Variants in ATP2B4 observed in about 807,000 individuals in gnomAD.
The protein encoded by ATP2B4 is ATPase plasma membrane Ca2+ transporting 4.
Under a neutral mutation model 110.3 loss-of-function variants are expected in ATP2B4, and 39 were observed. The ratio of observed to expected loss-of-function variants is 0.35; its 90% CI spans 0.27 to 0.46. The LOEUF (loss-of-function observed/expected upper bound fraction) is 0.46. Ranked by LOEUF, ATP2B4 falls within the 20% of genes least tolerant of loss-of-function variation. The pLI is 1.00. For missense variants in ATP2B4, 1,135 were observed against 1,530.9 expected, an observed-to-expected ratio of 0.74 and a Z score of 4.32; for synonymous variants, 538 against 571.7, an observed-to-expected ratio of 0.94 and a Z score of 0.84.
chr1:203,708,111 AT>A lies in ATP2B4; in HGVS notation c.1557+10del, dbSNP rs1370979380. ...TTATACCTCCAAGATTCTGGTAAGCATTTCCTTTGCGTAGACACTTAGAGTG... is the reference window on the plus strand; with the variant it reads ...TTATACCTCCAAGATTCTGGTAAGCATTCCTTTGCGTAGACACTTAGAGTG... On this transcript the variant is annotated splice_region_variant and intron_variant, in intron 10 of 20. Coordinates refer to ENST00000357681, the MANE Select transcript of ATP2B4 (RefSeq NM_001684.5). 1 of 1,614,140 alleles carries A rather than the reference AT, an allele frequency of 6.2e-7. No homozygotes were observed. The highest frequency in any genetic ancestry group is 8.5e-7 in the Non-Finnish European group (1 of 1,179,980).
intron 14 of ATP2B4, 87 bp downstream of exon 14, chr1:203,713,339 TC>T (rs1225988192): frequency 6.7e-7 from 1 of 1,484,438 alleles, no homozygotes; most frequent in Non-Finnish European, 9.4e-7. Flanking sequence ...AAAGCCACTC[TC>T]CTGTCCAAAT....
chr1:203,712,221 G>T, intron 13 of ATP2B4, 82 bp downstream of exon 13: 6 of 1,460,832 alleles, frequency 4.1e-6, no homozygotes, highest in Non-Finnish European at 5.6e-6. Flanking sequence ...GGTCATGTGC[G>T]GGAAGGTGGG....
intron 2 of ATP2B4, among the ~76,000 whole-genome samples, chr1:203,691,555 T>C (rs1471069181): frequency 6.6e-6 from 1 of 152,172 alleles, no homozygotes; most frequent in Non-Finnish European, 1.5e-5. Context: ...AAGCATGCCC[T>C]GAGGAAGCGG....
chr1:203,681,939 A>AAC (rs1665027549), intron 1 of ATP2B4, among the ~76,000 whole-genome samples: 1 of 151,064 alleles, frequency 6.6e-6, no homozygotes, highest in African/African-American at 2.4e-5. Flanking sequence ...TTACTAGAAA[A>AAC]AAAAAAAAGT....
At chr1:203,713,144 G>C in intron 13 of ATP2B4, 21 bp from the exon 14 acceptor site, 1 of 1,614,016 alleles carries the variant, frequency 6.2e-7, no homozygotes, top group South Asian at 1.1e-5. Context: ...GACTGATCCA[G>C]GTGTGGTCTG....
chr1:203,650,262 C>T (rs561291721), intron 1 of ATP2B4, among the ~76,000 whole-genome samples: 1 of 152,288 alleles, frequency 6.6e-6, no homozygotes, highest in Non-Finnish European at 1.5e-5. Flanking sequence ...TCGGCTGAGC[C>T]ACTGAAGCCA....
At chr1:203,637,169 C>T (rs1343014758) in intron 1 of ATP2B4, among the ~76,000 whole-genome samples, 2 of 152,172 alleles carry the variant, frequency 1.3e-5, no homozygotes, top group African/African-American at 4.8e-5. Flanking sequence ...CGGTGGCTCA[C>T]GCCTGTAATC....
Position 203,688,923 on chromosome 1 carries a change from C to T in ATP2B4, c.193+5525C>T, listed in dbSNP as rs529492518. On this transcript the variant is annotated intron_variant, in intron 2 of 20. Transcript: ENST00000357681. ...GGTGAGACTGGAGCTCCTGGGCAAG[C>T]TGTGTTGCCTTGGGTTTATCAGGAG... Among the ~76,000 whole-genome samples, 5 of 151,906 alleles carry T rather than the reference C, an allele frequency of 3.3e-5. No individual in the cohort carries two copies. In the East Asian group the frequency reaches 9.6e-4, roughly 29 times the overall value.
At chr1:203,635,075 A>G (rs1663398604) in intron 1 of ATP2B4, among the ~76,000 whole-genome samples, 1 of 152,094 alleles carries the variant, frequency 6.6e-6, no homozygotes, top group African/African-American at 2.4e-5. Context: ...CCTGATTTCA[A>G]ACGATTCTCC....
At chr1:203,670,965 A>G (rs898527245) in intron 1 of ATP2B4, among the ~76,000 whole-genome samples, 6 of 152,338 alleles carry the variant, frequency 3.9e-5, no homozygotes, top group African/African-American at 1.4e-4. Context: ...AGGAAATGGA[A>G]CAGTCTATGC....
chr1:203,657,706 C>T, intron 1 of ATP2B4: 1 of 756,394 alleles, frequency 1.3e-6, no homozygotes, highest in Non-Finnish European at 2.4e-6. Flanking sequence ...TCATGGTAAT[C>T]CAAACGGTAT....
Position 203,671,922 on chromosome 1 carries a change from T to C in ATP2B4, c.-464-10820T>C, listed in dbSNP as rs552121174. Among the ~76,000 whole-genome samples, 105 of 152,290 alleles carry C rather than the reference T, an allele frequency of 6.9e-4. 3 individuals carry two copies. In the South Asian group the frequency reaches 0.021, roughly 31 times the overall value. ...AGCAGGCTCCTTGCCTGGGTGGCAC[T>C]GCTACCCACAGAGGGGATGGGGGCT... On this transcript the variant is annotated intron_variant, in intron 1 of 20. Transcript: ENST00000357681.
rs545724306 is a variant in ATP2B4 at position 203,724,321 on chromosome 1, T to C, written c.3132+333T>C. On this transcript the variant is annotated intron_variant, in intron 19 of 20. Coordinates refer to ENST00000357681, the MANE Select transcript of ATP2B4 (RefSeq NM_001684.5). ...TCACGAGGTCAGGAAATCAAGACCG[T>C]CCTGGCTAACATGGTGAAACCCCGT... 2.6e-5 allele frequency among the ~76,000 whole-genome samples: 4 copies of C among 152,118 alleles called. No homozygotes were observed. In the South Asian group the frequency reaches 8.3e-4, roughly 32 times the overall value.
chr1:203,709,892 G>A (rs1192742172), intron 11 of ATP2B4, among the ~76,000 whole-genome samples: 1 of 152,146 alleles, frequency 6.6e-6, no homozygotes, highest in Non-Finnish European at 1.5e-5. Context: ...TTCCTAATCT[G>A]AAAACAGAGA....
At position 203,632,696 on chromosome 1, in the gene ATP2B4, T is replaced by TAAA. The variant is rs79013470; in HGVS notation, c.-465+5492_-465+5494dup. On this transcript the variant is annotated intron_variant, in intron 1 of 20. Coordinates refer to ENST00000357681, the MANE Select transcript of ATP2B4 (RefSeq NM_001684.5). ...CCTGATTCTATATTCATATTTTAAG[T>TAAA]AAAAAAAAAAAAAAAAACCACCTAC... Among the ~76,000 whole-genome samples, 16 of 122,220 alleles carry TAAA rather than the reference T, an allele frequency of 1.3e-4. 1 individual carries two copies. The highest frequency in any genetic ancestry group is 5.1e-4 in the Admixed American group (6 of 11,802). 80.2% of individuals were successfully genotyped at this position (122,220 alleles called of 152,430 possible).
At chr1:203,730,445 C>G (rs542264063) in intron 20 of ATP2B4, among the ~76,000 whole-genome samples, 2 of 152,304 alleles carry the variant, frequency 1.3e-5, no homozygotes, top group East Asian at 1.9e-4. Context: ...ACCCATAGAA[C>G]CTGGCGCCTT....
chr1:203,704,804 T>C (rs1019359264), intron 8 of ATP2B4, among the ~76,000 whole-genome samples: 4 of 152,158 alleles, frequency 2.6e-5, no homozygotes, highest in Non-Finnish European at 5.9e-5. Context: ...TACCACTGTT[T>C]ATTCTCTGAT....
At chr1:203,670,470 C>G (rs1013444738) in intron 1 of ATP2B4, among the ~76,000 whole-genome samples, 1 of 152,196 alleles carries the variant, frequency 6.6e-6, no homozygotes, top group Non-Finnish European at 1.5e-5. Flanking sequence ...TGAGCCACTG[C>G]GCCCGGCCGA....
intron 20 of ATP2B4, among the ~76,000 whole-genome samples, chr1:203,736,475 A>G (rs140784014): frequency 6.7e-6 from 1 of 149,466 alleles, no homozygotes; most frequent in Admixed American, 6.7e-5. Flanking sequence ...TCCCCCCCAA[A>G]AAAAAAAAAG....
Sources: gnomAD v4.1 joint callset for allele counts (sites outside exome capture counted in the v4.1 genomes callset) on GRCh38, gnomAD v4.1.1 for gene constraint, MANE v1.5 for transcripts, NCBI Gene and HGNC (gene_info 2026-07-23, HGNC 2026-07-21) for gene names.